Variants in CACNB2 observed in about 807,000 individuals in gnomAD.
CACNB2 encodes voltage-dependent L-type calcium channel subunit beta-2.
A neutral mutation model predicts 73.3 loss-of-function variants in CACNB2; 42 were observed. The observed-to-expected ratio is 0.57, with a 90% CI of 0.45 to 0.74. CACNB2 has a LOEUF of 0.74. CACNB2 is among the 30% of genes least tolerant of loss of function. The pLI, the probability that CACNB2 is intolerant of heterozygous loss-of-function variation, is 0.00. For synonymous variants in CACNB2, 348 were observed against 310.3 expected, an observed-to-expected ratio of 1.12 and a Z score of -1.28; for missense variants, 940 against 853.0, an observed-to-expected ratio of 1.10 and a Z score of -1.27.
intron 9 of CACNB2, chr10:18,519,682 TC>T (rs1325495940): frequency 6.6e-6 from 3 of 455,960 alleles, no homozygotes; most frequent in Non-Finnish European, 1.3e-5. Flanking sequence ...CTCATATTGC[TC>T]TAGGTGTCTC....
Position 18,451,143 on chromosome 10 carries a change from G to A in CACNB2, c.334-47212G>A, listed in dbSNP as rs540069968. Among the ~76,000 whole-genome samples the A allele has an allele frequency of 9.2e-5, 14 of 152,282 alleles. 1 individual carries two copies. The highest frequency in any genetic ancestry group is 2.9e-4 in the African/African-American group (12 of 41,554). ...AATTAGTGCAGAGCTGGGATTTGAA[G>A]GATGGTGGGAATTGGACACATTTGA... On this transcript the variant is annotated intron_variant, in intron 3 of 13. Transcript: ENST00000324631.
At chr10:18,403,704 C>T (rs1335811644) in intron 3 of CACNB2, among the ~76,000 whole-genome samples, 5 of 151,982 alleles carry the variant, frequency 3.3e-5, no homozygotes, top group Middle Eastern at 3.2e-3. Flanking sequence ...AAACCAGGGT[C>T]GTGTTACTTG....
intron 3 of CACNB2, among the ~76,000 whole-genome samples, chr10:18,469,536 T>C (rs2048071312): frequency 6.6e-6 from 1 of 152,234 alleles, no homozygotes. Context: ...TGCTTAATTC[T>C]AGCAAATTCC....
intron 2 of CACNB2, chr10:18,260,822 C>A: frequency 2.9e-6 from 3 of 1,022,050 alleles, no homozygotes; most frequent in Middle Eastern, 4.9e-4. Context: ...AGGCCTCCTG[C>A]TTTTCAAAAG....
intron 2 of CACNB2, among the ~76,000 whole-genome samples, chr10:18,351,095 T>C (rs1378820589): frequency 6.6e-6 from 1 of 152,110 alleles, no homozygotes; most frequent in Non-Finnish European, 1.5e-5. Context: ...GGAGAATGTA[T>C]ATAAAAACAA....
At chr10:18,433,781 T>C (rs1589340713) in intron 3 of CACNB2, among the ~76,000 whole-genome samples, 4 of 152,332 alleles carry the variant, frequency 2.6e-5, no homozygotes, top group Non-Finnish European at 5.9e-5. Context: ...TGTAAATACT[T>C]ATAGGGAACA....
chr10:18,217,807 A>T (rs1466931457), intron 2 of CACNB2, among the ~76,000 whole-genome samples: 1 of 151,788 alleles, frequency 6.6e-6, no homozygotes. Context: ...GAAGGAGGAG[A>T]GGTGGGAAGG....
At chr10:18,238,209 G>A (rs533698084) in intron 2 of CACNB2, among the ~76,000 whole-genome samples, 6 of 152,112 alleles carry the variant, frequency 3.9e-5, no homozygotes, top group Admixed American at 6.5e-5. Context: ...TAATGTACTC[G>A]AATCCAAACC....
At chr10:18,478,856 G>T (rs147177207) in intron 3 of CACNB2, among the ~76,000 whole-genome samples, 12 of 152,238 alleles carry the variant, frequency 7.9e-5, no homozygotes, top group Admixed American at 2.6e-4. Flanking sequence ...TGGTCTCTTT[G>T]GTGCCTCTGG....
chr10:18,368,840 A>G (rs2042460343), intron 2 of CACNB2, among the ~76,000 whole-genome samples: 1 of 152,170 alleles, frequency 6.6e-6, no homozygotes, highest in Non-Finnish European at 1.5e-5. Context: ...ATAATGAAGA[A>G]AAAATATTTA....
At chr10:18,207,852 T>C (rs1564344013) in intron 2 of CACNB2, among the ~76,000 whole-genome samples, 1 of 152,146 alleles carries the variant, frequency 6.6e-6, no homozygotes. Context: ...ATTTAAAAAA[T>C]AGTTTACAAA....
chr10:18,206,490 T>C (rs907802114), intron 2 of CACNB2: 1 of 152,384 alleles, frequency 6.6e-6, no homozygotes, highest in Non-Finnish European at 1.5e-5. Context: ...CATTGTGCAG[T>C]CACTTCTTTC....
At chr10:18,466,471 A>G (rs1053513036) in intron 3 of CACNB2, among the ~76,000 whole-genome samples, 3 of 151,930 alleles carry the variant, frequency 2.0e-5, no homozygotes, top group Non-Finnish European at 4.4e-5. Context: ...GACCACAAGC[A>G]ATGCTCCTGC....
chr10:18,360,318 C>T (rs1268655882), intron 2 of CACNB2, among the ~76,000 whole-genome samples: 1 of 152,160 alleles, frequency 6.6e-6, no homozygotes, highest in Non-Finnish European at 1.5e-5. Context: ...GCCTCAAACT[C>T]CTGGGCTCAA....
chr10:18,502,741 A>G (rs77975115), intron 5 of CACNB2, among the ~76,000 whole-genome samples: 1 of 149,108 alleles, frequency 6.7e-6, no homozygotes, highest in East Asian at 2.0e-4. Flanking sequence ...GTTTTTACTT[A>G]TAAGTGAGAG....
chr10:18,352,254 G>A (rs917688408), intron 2 of CACNB2, among the ~76,000 whole-genome samples: 1 of 152,220 alleles, frequency 6.6e-6, no homozygotes, highest in African/African-American at 2.4e-5. Context: ...CACGCATCAC[G>A]TCCCATGACA....
At chr10:18,368,563 T>C (rs1433193042) in intron 2 of CACNB2, among the ~76,000 whole-genome samples, 1 of 152,208 alleles carries the variant, frequency 6.6e-6, no homozygotes, top group African/African-American at 2.4e-5. Context: ...AGGAAAAAAG[T>C]ATTTTGAGGA....
intron 2 of CACNB2, among the ~76,000 whole-genome samples, chr10:18,285,475 T>A (rs541673031): frequency 6.6e-6 from 1 of 152,352 alleles, no homozygotes; most frequent in East Asian, 1.9e-4. Context: ...TGAGCCATCA[T>A]GGATGTCCAG....
chr10:18,287,541 G>A (rs780791333), intron 2 of CACNB2, among the ~76,000 whole-genome samples: 71 of 151,400 alleles, frequency 4.7e-4, no homozygotes, highest in South Asian at 1.5e-3. Context: ...CTGTCTCACA[G>A]CTCTGAAGCC....
Sources: allele counts gnomAD v4.1 joint callset (sites outside exome capture counted in the v4.1 genomes callset), GRCh38; gene constraint gnomAD v4.1.1; transcripts MANE v1.5; gene names NCBI Gene and HGNC (gene_info 2026-07-23, HGNC 2026-07-21).